The following LGALS9C variants were observed in gnomAD, a reference collection of about 807,000 sequenced individuals.
The protein encoded by LGALS9C is galectin 9C, also known as galectin-9C.
A neutral mutation model predicts 41.3 loss-of-function variants in LGALS9C; 7 were observed. The observed-to-expected ratio is 0.17, with a 90% CI of 0.10 to 0.32. The LOEUF (loss-of-function observed/expected upper bound fraction) is 0.32. Among genes scored for constraint, LGALS9C ranks in the 10% least tolerant of loss-of-function variants. The pLI, the probability that LGALS9C is intolerant of heterozygous loss-of-function variation, is 1.00. For missense variants in LGALS9C, 102 were observed against 455.2 expected (o/e 0.22, Z 7.06); for synonymous variants, 44 against 171.0 (o/e 0.26, Z 5.80).
At chr17:18,482,952 A>T (rs1194394861) in intron 1 of LGALS9C, among the ~76,000 whole-genome samples, 1 of 124,284 alleles carries the variant, frequency 8.0e-6, no homozygotes, top group Non-Finnish European at 2.0e-5. Context: ...CCTCTGTGCC[A>T]GTCTCTTCTA....
chr17:18,476,987 G>A lies in LGALS9C; in HGVS notation c.39+94G>A, dbSNP rs1989228017. ...GCAACTCCTGGGTGGCAGGAGATAG[G>A]GGTGGGGGCATCCCAAAGAGAACAC... On this transcript the variant is annotated intron_variant, in intron 1 of 10. Coordinates refer to ENST00000328114, the MANE Select transcript of LGALS9C (RefSeq NM_001040078.3). The A allele has an allele frequency of 4.9e-6, 6 of 1,212,314 alleles. No individual in the cohort carries two copies. The Admixed American group carries it at 1.2e-4, about 25-fold the overall frequency. 75.1% of individuals were successfully genotyped at this position (1,212,314 alleles called of 1,614,324 possible). A position where few individuals can be genotyped will look rare whatever the true frequency, so the allele number is the denominator to read the frequency against.
At chr17:18,482,631 G>A (rs1489985213) in intron 1 of LGALS9C, among the ~76,000 whole-genome samples, 41 of 145,594 alleles carry the variant, frequency 2.8e-4, no homozygotes, top group African/African-American at 8.6e-4. Context: ...TAGATGAGGC[G>A]TGTGACGTCT....
At chr17:18,482,519 A>AAT (rs1184700105) in intron 1 of LGALS9C, among the ~76,000 whole-genome samples, 23 of 142,254 alleles carry the variant, frequency 1.6e-4, no homozygotes, top group African/African-American at 5.7e-4. Context: ...AAAAAAAAAA[A>AAT]AAAAAATTCA....
Position 18,480,123 on chromosome 17 carries a change from G to A in LGALS9C, c.39+3230G>A, listed in dbSNP as rs1433884227. 1.2e-4 allele frequency among the ~76,000 whole-genome samples: 14 copies of A among 121,370 alleles called. 1 individual carries two copies. Among genetic ancestry groups the A allele is most frequent in the African/African-American group, 2.4e-4 (9 of 38,088 alleles). The allele number at this position is 121,370 out of a possible 152,430, so 79.6% of individuals were successfully genotyped here. A position where few individuals can be genotyped will look rare whatever the true frequency, so the allele number is the denominator to read the frequency against. ...CCTGGGAGGCTGAGGTGGGAGGATCGCGTGAGCCTGGGGAAGTGGAGGCTG... is the reference window on the plus strand; with the variant it reads ...CCTGGGAGGCTGAGGTGGGAGGATCACGTGAGCCTGGGGAAGTGGAGGCTG... On this transcript the variant is annotated intron_variant, in intron 1 of 10. Coordinates refer to ENST00000328114, the MANE Select transcript of LGALS9C (RefSeq NM_001040078.3).
intron 1 of LGALS9C, among the ~76,000 whole-genome samples, chr17:18,482,125 G>T (rs1339756086): frequency 1.4e-5 from 2 of 146,156 alleles, no homozygotes; most frequent in African/African-American, 4.9e-5. Context: ...ATATTTCATT[G>T]TGTATCTCTA....
At chr17:18,487,831 T>C (rs1989657208) in intron 4 of LGALS9C, 74 bp downstream of exon 4, 2 of 1,572,266 alleles carry the variant, frequency 1.3e-6, no homozygotes, top group South Asian at 2.2e-5. Flanking sequence ...TAGGCCCAGC[T>C]GGGGGGACCC....
chr17:18,477,522 C>CCAGG (rs1435260090), intron 1 of LGALS9C, among the ~76,000 whole-genome samples: 1 of 118,298 alleles, frequency 8.5e-6, no homozygotes, highest in African/African-American at 2.6e-5. Context: ...GCGGAGTTAA[C>CCAGG]CAGGCATAGG....
rs200134269 is a variant in LGALS9C at position 18,493,787 on chromosome 17, GC to G, written c.925-433del. Among the ~76,000 whole-genome samples the G allele has an allele frequency of 3.6e-3, 511 of 143,420 alleles. 3 individuals carry two copies. The highest frequency in any genetic ancestry group is 0.011 in the African/African-American group (461 of 40,388). The allele number at this position is 143,420 out of a possible 152,430, so 94.1% of individuals were successfully genotyped here. On this transcript the variant is annotated intron_variant, in intron 10 of 10. Coordinates refer to ENST00000328114, the MANE Select transcript of LGALS9C (RefSeq NM_001040078.3). ...AGAATGGAATGAGGCAGTATCTGTA[GC>G]ACGCTTAGGACAGTGCCTTACACAT...
intron 1 of LGALS9C, among the ~76,000 whole-genome samples, chr17:18,483,388 C>T (rs1338540561): frequency 2.5e-5 from 3 of 120,158 alleles, no homozygotes; most frequent in African/African-American, 8.3e-5. Context: ...CTCGGTGGAA[C>T]CTGCAGACCC....
rs1989453819 is a variant in LGALS9C at position 18,483,127 on chromosome 17, C to T, written c.40-748C>T. The stretch of plus-strand genomic sequence containing the variant: ...ATTCAGACCTGGAGTCGGCCTGACT[C>T]CAAAACGATGCATGCCTCACCATGG... On this transcript the variant is annotated intron_variant, in intron 1 of 10. Coordinates refer to ENST00000328114, the MANE Select transcript of LGALS9C (RefSeq NM_001040078.3). Among the ~76,000 whole-genome samples, 2 of 124,744 alleles carry T rather than the reference C, an allele frequency of 1.6e-5. 1 individual carries two copies. Among genetic ancestry groups the T allele is most frequent in the Non-Finnish European group, 3.9e-5 (2 of 51,888 alleles). The allele number at this position is 124,744 out of a possible 152,430, so 81.8% of individuals were successfully genotyped here.
intron 1 of LGALS9C, among the ~76,000 whole-genome samples, chr17:18,480,975 G>A (rs1223203086): frequency 6.8e-6 from 1 of 146,618 alleles, no homozygotes; most frequent in African/African-American, 2.4e-5. Flanking sequence ...AAATTAGTGG[G>A]GCATGGCTTG....
At chr17:18,491,252 G>A (rs1989794976) in intron 6 of LGALS9C, 21 bp from the exon 7 acceptor site, 1 of 1,481,450 alleles carries the variant, frequency 6.8e-7, no homozygotes, top group Non-Finnish European at 9.3e-7. Context: ...GCCTGGGTGA[G>A]ACCTGGTTTC....
chr17:18,476,868 G>A lies in LGALS9C; in HGVS notation c.14G>A (p.Gly5Asp), dbSNP rs763525726. The A allele has an allele frequency of 7.5e-6, 12 of 1,602,130 alleles. No individual in the cohort carries two copies. Among genetic ancestry groups the A allele is most frequent in the East Asian group, 4.5e-5 (2 of 44,882 alleles). The change falls in exon 1 of 11, where the codon GGT (glycine) becomes GAT (aspartate). Residue 5 changes from glycine (G) to aspartate (D), a missense_variant. Coordinates refer to ENST00000328114, the MANE Select transcript of LGALS9C (RefSeq NM_001040078.3). Reference sequence around the variant, plus strand: ...GGCGGTGGAGAGATGGCCTTCAGCGGTTGCCAGGCTCCCTATCTGAGCCCA... The same window carrying A: ...GGCGGTGGAGAGATGGCCTTCAGCGATTGCCAGGCTCCCTATCTGAGCCCA... MAFSGCQAPYLSPAV... is the reference protein window; with the variant it reads MAFSDCQAPYLSPAV...
intron 3 of LGALS9C, among the ~76,000 whole-genome samples, chr17:18,487,309 A>AT (rs1175315371): frequency 1.4e-5 from 1 of 70,834 alleles, no homozygotes; most frequent in Admixed American, 1.5e-4. Flanking sequence ...AAAAAAAAAA[A>AT]GTTGAAGGAA....
Position 18,483,903 on chromosome 17 carries a change from G to A in LGALS9C, c.68G>A (p.Gly23Glu), listed in dbSNP as rs1485486446. Reference sequence around the variant, plus strand: ...GTCCCCTTTTCTGGGACTATCCAAGGGGGTCTCCAGGACGGATTTCAGATC... The same window carrying A: ...GTCCCCTTTTCTGGGACTATCCAAGAGGGTCTCCAGGACGGATTTCAGATC... ...PAVPFSGTIQ[G>E]GLQDGFQITV... is the part of the protein sequence containing the mutation. The change falls in exon 2 of 11, where the codon GGG (glycine) becomes GAG (glutamate). Residue 23 changes from glycine (G) to glutamate (E), a missense_variant. Gly to Glu is a moderately conservative substitution (Grantham distance 98, BLOSUM62 -2). Coordinates refer to ENST00000328114, the MANE Select transcript of LGALS9C (RefSeq NM_001040078.3). The A allele has an allele frequency of 8.8e-6, 12 of 1,365,306 alleles. 2 individuals are homozygous for A. The highest frequency in any genetic ancestry group is 1.8e-5 in the Admixed American group (1 of 54,314). The allele number at this position is 1,365,306 out of a possible 1,614,324, so 84.6% of individuals were successfully genotyped here.
At chr17:18,488,219 T>C (rs2170944) in intron 4 of LGALS9C, among the ~76,000 whole-genome samples, 2 of 127,338 alleles carry the variant, frequency 1.6e-5, no homozygotes, top group East Asian at 1.9e-4. Flanking sequence ...GTGTGATTCA[T>C]TGAGGAGACA....
chr17:18,479,889 T>C (rs1375687293), intron 1 of LGALS9C, among the ~76,000 whole-genome samples: 1 of 121,686 alleles, frequency 8.2e-6, no homozygotes, highest in Non-Finnish European at 2.0e-5. Context: ...CCTTGGCTTA[T>C]GACCCCTCCT....
intron 2 of LGALS9C, among the ~76,000 whole-genome samples, chr17:18,484,745 G>A (rs1193704484): frequency 6.6e-6 from 1 of 151,030 alleles, no homozygotes; most frequent in African/African-American, 2.4e-5. Flanking sequence ...GACCCTCTGG[G>A]CCTCGTAGAT....
In LGALS9C at chr17:18,491,343, T is replaced by G. The variant is rs572765721; in HGVS notation, c.627+20T>G. The G allele has an allele frequency of 6.7e-7, 1 of 1,486,430 alleles. No homozygotes were observed. The highest frequency in any genetic ancestry group is 1.2e-5 in the South Asian group (1 of 83,528). The allele number at this position is 1,486,430 out of a possible 1,614,324, so 92.1% of individuals were successfully genotyped here. A position where few individuals can be genotyped will look rare whatever the true frequency, so the allele number is the denominator to read the frequency against. ...TTCTCTGTAAGTCTTCAAGTTCTGA[T>G]CAGTTCACAGCTGCACAGTGCCCTC... On this transcript the variant is annotated intron_variant, in intron 7 of 10. Transcript: ENST00000328114.
Sources: gnomAD v4.1 joint callset for allele counts (sites outside exome capture counted in the v4.1 genomes callset) on GRCh38, gnomAD v4.1.1 for gene constraint, MANE v1.5 for transcripts, NCBI Gene and HGNC (gene_info 2026-07-23, HGNC 2026-07-21) for gene names.